ZNF423: variants seen among roughly 807,000 people sequenced by gnomAD.
The protein encoded by ZNF423 is Ebf-associated zinc finger protein.
Under a neutral mutation model 95.8 loss-of-function variants are expected in ZNF423, and 12 were observed. The ratio of observed to expected loss-of-function variants is 0.13; its 90% confidence interval spans 0.08 to 0.20. The LOEUF (loss-of-function observed/expected upper bound fraction) is 0.20, where lower values mean the gene tolerates loss of function less well. Among genes scored for constraint, ZNF423 ranks in the 10% least tolerant of loss-of-function variants. The pLI, the probability that ZNF423 is intolerant of heterozygous loss-of-function variation, is 1.00. For synonymous variants in ZNF423, 749 were observed against 711.9 expected (o/e 1.05, Z -0.83); for missense variants, 1,316 against 1,737.1 (o/e 0.76, Z 4.31).
intron 2 of ZNF423, among the ~76,000 whole-genome samples, chr16:49,759,610 G>C (rs867341798): frequency 6.6e-6 from 1 of 152,302 alleles, no homozygotes; most frequent in Middle Eastern, 3.4e-3. Context: ...CGCTTTGCAG[G>C]GCAATGGCTG....
intron 1 of ZNF423, among the ~76,000 whole-genome samples, chr16:49,798,788 G>A (rs978647299): frequency 1.3e-5 from 2 of 152,240 alleles, no homozygotes; most frequent in South Asian, 2.1e-4. Flanking sequence ...AAGCTGCCAC[G>A]CTACTACAGA....
intron 1 of ZNF423, among the ~76,000 whole-genome samples, chr16:49,808,895 G>A (rs1407581676): frequency 2.0e-5 from 3 of 152,184 alleles, no homozygotes; most frequent in African/African-American, 4.8e-5. Context: ...ACCAGGCTGC[G>A]GCAAGGCTCA....
intron 3 of ZNF423, among the ~76,000 whole-genome samples, chr16:49,648,817 A>T (rs1973279641): frequency 2.0e-5 from 3 of 152,196 alleles, no homozygotes; most frequent in Admixed American, 1.3e-4. Flanking sequence ...CTTTGGTGAG[A>T]TTAAGGGTGT....
intron 5 of ZNF423, among the ~76,000 whole-genome samples, chr16:49,537,667 C>A (rs1969101525): frequency 6.6e-6 from 1 of 152,158 alleles, no homozygotes; most frequent in South Asian, 2.1e-4. Context: ...CTCAAAAGGT[C>A]TTTTCTGAGG....
In ZNF423 at chr16:49,491,283, C is replaced by T; in HGVS notation, c.3871G>A (p.Ala1291Thr). 6.2e-7 allele frequency: 1 copy of T among 1,614,060 alleles called. No homozygotes were observed. Among genetic ancestry groups the T allele is most frequent in the Non-Finnish European group, 8.5e-7 (1 of 1,180,046 alleles). The change falls in exon 8 of 8, where the codon GCA becomes ACA. Residue 1291 changes from alanine (A) to threonine (T), a missense_variant. Coordinates refer to ENST00000563137, the MANE Select transcript of ZNF423 (RefSeq NM_001379286.1). ...TCCTGTTGAGCGATCCCTCACTGTG[C>T]GTGCTGGCTCATCGTGTGGTTCTGC... ...ELQNHTMSQH[A>T]Q is the part of the protein sequence containing the mutation.
At chr16:49,605,655 C>T (rs1183301678) in intron 5 of ZNF423, among the ~76,000 whole-genome samples, 1 of 152,212 alleles carries the variant, frequency 6.6e-6, no homozygotes, top group Non-Finnish European at 1.5e-5. Flanking sequence ...GAAGCCCCGG[C>T]CCTGCACCAG....
intron 5 of ZNF423, among the ~76,000 whole-genome samples, chr16:49,613,247 A>T (rs1197217468): frequency 6.6e-6 from 1 of 152,254 alleles, no homozygotes; most frequent in East Asian, 1.9e-4. Context: ...ATAAAGAAGG[A>T]ATCAGTTTAT....
intron 7 of ZNF423, among the ~76,000 whole-genome samples, chr16:49,520,207 C>G (rs780278481): frequency 6.6e-6 from 1 of 152,188 alleles, no homozygotes; most frequent in East Asian, 1.9e-4. Flanking sequence ...ACATCATGGG[C>G]CCTCCACATA....
chr16:49,806,766 C>G, intron 1 of ZNF423, among the ~76,000 whole-genome samples: 1 of 152,034 alleles, frequency 6.6e-6, no homozygotes, highest in Middle Eastern at 3.4e-3. Context: ...CTGTGACTCA[C>G]GCCTGTAATC....
intron 5 of ZNF423, among the ~76,000 whole-genome samples, chr16:49,598,342 A>G (rs1384142218): frequency 6.6e-6 from 1 of 152,268 alleles, no homozygotes; most frequent in Non-Finnish European, 1.5e-5. Flanking sequence ...GAAAACTGCA[A>G]TAATGCACGT....
intron 3 of ZNF423, among the ~76,000 whole-genome samples, chr16:49,701,406 C>T (rs1429090489): frequency 6.6e-6 from 1 of 150,822 alleles, no homozygotes; most frequent in African/African-American, 2.4e-5. Context: ...CCAGTTCGCA[C>T]GGGAGATTGG....
chr16:49,610,368 A>C lies in ZNF423; in HGVS notation c.3601+15802T>G, dbSNP rs74016905. Among the ~76,000 whole-genome samples, 256 of 152,286 alleles carry C rather than the reference A, an allele frequency of 1.7e-3. 1 individual carries two copies. The highest frequency in any genetic ancestry group is 5.9e-3 in the African/African-American group (245 of 41,580). On this transcript the variant is annotated intron_variant, in intron 5 of 7. Coordinates refer to ENST00000563137, the MANE Select transcript of ZNF423 (RefSeq NM_001379286.1). ...GTCTGATGTAGTACTAAATATATGCAGAAGAAATAGTTAAGACAGTCATAA... is the reference window on the plus strand; with the variant it reads ...GTCTGATGTAGTACTAAATATATGCCGAAGAAATAGTTAAGACAGTCATAA...
rs190032746 is a variant in ZNF423 at position 49,799,735 on chromosome 16, A to G, written c.41-10189T>C. ...TAATAAAAACATGATGATGATGATG[A>G]TGTGTAAAATAGGACAATGAGTGTG... On this transcript the variant is annotated intron_variant, in intron 1 of 7. Coordinates refer to ENST00000563137, the MANE Select transcript of ZNF423 (RefSeq NM_001379286.1). Among the ~76,000 whole-genome samples, 193 of 152,292 alleles carry G rather than the reference A, an allele frequency of 1.3e-3. 3 individuals carry two copies. Among genetic ancestry groups the G allele is most frequent in the East Asian group, 7.7e-4 (4 of 5,186 alleles).
intron 5 of ZNF423, among the ~76,000 whole-genome samples, chr16:49,556,452 C>CA (rs746386575): frequency 6.6e-6 from 1 of 152,182 alleles, no homozygotes; most frequent in Non-Finnish European, 1.5e-5. Flanking sequence ...TGGGACTATT[C>CA]ACGTGAGAGC....
intron 3 of ZNF423, among the ~76,000 whole-genome samples, chr16:49,721,199 A>G (rs1457257199): frequency 6.6e-6 from 1 of 152,136 alleles, no homozygotes; most frequent in Non-Finnish European, 1.5e-5. Context: ...TCTGCTTGTC[A>G]ATTTGAGCCA....
At chr16:49,834,149 A>T (rs1288163256) in intron 1 of ZNF423, among the ~76,000 whole-genome samples, 1 of 152,144 alleles carries the variant, frequency 6.6e-6, no homozygotes, top group Non-Finnish European at 1.5e-5. Flanking sequence ...TAGGGCGAAG[A>T]AAAATCATCT....
At chr16:49,743,994 C>G (rs2033469240) in intron 2 of ZNF423, among the ~76,000 whole-genome samples, 1 of 152,050 alleles carries the variant, frequency 6.6e-6, no homozygotes, top group Admixed American at 6.6e-5. Flanking sequence ...CCAGTAAACC[C>G]CCATCTAGGC....
intron 7 of ZNF423, among the ~76,000 whole-genome samples, chr16:49,495,871 T>C (rs1967148167): frequency 6.6e-6 from 1 of 152,188 alleles, no homozygotes; most frequent in South Asian, 2.1e-4. Flanking sequence ...CTTGGCTCCA[T>C]TCTCTGTTGC....
intron 3 of ZNF423, among the ~76,000 whole-genome samples, chr16:49,691,137 C>T (rs889633347): frequency 6.6e-6 from 1 of 152,258 alleles, no homozygotes; most frequent in Non-Finnish European, 1.5e-5. Flanking sequence ...GGGAGTCAGA[C>T]AGGTAGACAT....
Sources: gnomAD v4.1 joint callset for allele counts (sites outside exome capture counted in the v4.1 genomes callset) on GRCh38, gnomAD v4.1.1 for gene constraint, MANE v1.5 for transcripts, NCBI Gene and HGNC (gene_info 2026-07-23, HGNC 2026-07-21) for gene names.